Variants in LEKR1 observed in about 807,000 individuals in gnomAD.
LEKR1 encodes the protein protein LEKR1.
A neutral mutation model predicts 72.4 loss-of-function variants in LEKR1; 59 were observed. That is an observed-to-expected ratio of 0.82 (90% CI 0.66 to 1.01). The LOEUF (loss-of-function observed/expected upper bound fraction) is 1.01. Among genes scored for constraint, LEKR1 ranks in the 50% least tolerant of loss-of-function variants. The pLI is 0.00. For synonymous variants in LEKR1, 257 were observed against 263.2 expected, an observed-to-expected ratio of 0.98 and a Z score of 0.23; for missense variants, 728 against 759.2, an observed-to-expected ratio of 0.96 and a Z score of 0.48.
intron 9 of LEKR1, among the ~76,000 whole-genome samples, chr3:157,006,524 A>T (rs886745821): frequency 6.6e-6 from 1 of 152,194 alleles, no homozygotes; most frequent in Non-Finnish European, 1.5e-5. Flanking sequence ...GACAAATGAA[A>T]CCATATATCA....
chr3:156,875,990 C>T (rs1167931366), intron 3 of LEKR1, among the ~76,000 whole-genome samples: 1 of 59,540 alleles, frequency 1.7e-5, no homozygotes, highest in African/African-American at 6.3e-5. Flanking sequence ...GAGACTCCAT[C>T]TCAAAAAAAA....
intron 6 of LEKR1, among the ~76,000 whole-genome samples, chr3:156,970,038 T>C (rs1199780711): frequency 3.3e-5 from 5 of 152,182 alleles, no homozygotes; most frequent in African/African-American, 4.8e-5. Context: ...ATTATCTCAA[T>C]AGATGCAGAA....
intron 6 of LEKR1, among the ~76,000 whole-genome samples, chr3:156,968,201 G>A (rs561665315): frequency 2.2e-4 from 33 of 152,280 alleles, no homozygotes; most frequent in African/African-American, 7.9e-4. Flanking sequence ...TCGAGGCTAG[G>A]AAGAAACTGC....
chr3:156,979,397 G>C, intron 7 of LEKR1, 122 bp downstream of exon 7: 1 of 415,798 alleles, frequency 2.4e-6, no homozygotes, highest in South Asian at 2.0e-5. Flanking sequence ...TGATTCTTTT[G>C]GCAGTGATTT....
intron 9 of LEKR1, among the ~76,000 whole-genome samples, chr3:157,008,474 T>A (rs4574238): frequency 0.74 from 111,824 of 152,094 alleles, 41,574 homozygotes; most frequent in East Asian, 0.93. Context: ...TACAGTGAAC[T>A]TCTGTGTATC....
chr3:156,993,202 CA>C lies in LEKR1; in HGVS notation c.1035del (p.Glu346LysfsTer6). 6.2e-7 allele frequency: 1 copy of C among 1,612,238 alleles called. No homozygotes were observed. The highest frequency in any genetic ancestry group is 8.5e-7 in the Non-Finnish European group (1 of 1,178,942). On this transcript the variant is annotated frameshift_variant, in exon 9 of 13. Transcript: ENST00000356539. LOFTEE classifies it high-confidence loss of function. The stretch of plus-strand genomic sequence containing the variant: ...GACATAAAGAGAAGAATTAACCTTG[CA>C]GAAAATGAACTGGAGATAACCAAAA... Reference protein sequence around the residue: ...EEDIKRRINLAENELEITKTL... With the variant: ...EEDIKRRINLXENELEITKTL...
chr3:156,894,222 G>A (rs986706180), intron 3 of LEKR1, among the ~76,000 whole-genome samples: 1 of 152,130 alleles, frequency 6.6e-6, no homozygotes, highest in Non-Finnish European at 1.5e-5. Flanking sequence ...TGGGGTACCT[G>A]TTATCCATTT....
chr3:157,027,075 A>T (rs1734236572), intron 11 of LEKR1, among the ~76,000 whole-genome samples: 1 of 152,206 alleles, frequency 6.6e-6, no homozygotes, highest in Non-Finnish European at 1.5e-5. Flanking sequence ...ATTTAAATTC[A>T]GTTCCTTGGT....
chr3:156,977,373 G>GA (rs971891827), intron 6 of LEKR1, among the ~76,000 whole-genome samples: 2 of 151,778 alleles, frequency 1.3e-5, no homozygotes, highest in Non-Finnish European at 2.9e-5. Context: ...TATAGCATAG[G>GA]AAAAAAAATT....
intron 9 of LEKR1, among the ~76,000 whole-genome samples, chr3:157,009,640 A>G (rs955715104): frequency 1.3e-5 from 2 of 152,090 alleles, no homozygotes; most frequent in Non-Finnish European, 2.9e-5. Context: ...TTACACAACT[A>G]TAACAAAGAC....
At chr3:157,001,251 C>T (rs1202659729) in intron 9 of LEKR1, among the ~76,000 whole-genome samples, 1 of 152,174 alleles carries the variant, frequency 6.6e-6, no homozygotes, top group African/African-American at 2.4e-5. Context: ...CTCCAAGACT[C>T]ACCTCTTTCT....
chr3:156,842,846 TCA>T (rs1714107120), intron 2 of LEKR1, among the ~76,000 whole-genome samples: 1 of 152,222 alleles, frequency 6.6e-6, no homozygotes, highest in South Asian at 2.1e-4. Context: ...TCCTTTTTTA[TCA>T]CAGTTTCTGA....
chr3:156,964,260 G>A (rs4234316), intron 6 of LEKR1, among the ~76,000 whole-genome samples: 1 of 151,976 alleles, frequency 6.6e-6, no homozygotes, highest in Admixed American at 6.6e-5. Flanking sequence ...TTTATTATCC[G>A]TACCCTTCCC....
At chr3:156,911,829 T>A (rs1397580563) in intron 3 of LEKR1, among the ~76,000 whole-genome samples, 1 of 152,126 alleles carries the variant, frequency 6.6e-6, no homozygotes, top group Non-Finnish European at 1.5e-5. Context: ...GAGGCTTTTT[T>A]TCTGGGTTCT....
At chr3:156,833,054 A>G (rs62273908) in intron 2 of LEKR1, among the ~76,000 whole-genome samples, 4,756 of 152,374 alleles carry the variant, frequency 0.031, 110 homozygotes, top group Non-Finnish European at 0.047. Flanking sequence ...AGATAGAAAT[A>G]TGCTTCATTC....
At chr3:156,892,588 G>A (rs1436486298) in intron 3 of LEKR1, among the ~76,000 whole-genome samples, 1 of 152,096 alleles carries the variant, frequency 6.6e-6, no homozygotes, top group Non-Finnish European at 1.5e-5. Context: ...CTTCTTTTAA[G>A]CTACTGTGCT....
intron 6 of LEKR1, among the ~76,000 whole-genome samples, chr3:156,961,517 C>T (rs1171459338): frequency 6.6e-6 from 1 of 152,172 alleles, no homozygotes; most frequent in Non-Finnish European, 1.5e-5. Context: ...ACAAATAGAA[C>T]CATACAATAT....
intron 3 of LEKR1, among the ~76,000 whole-genome samples, chr3:156,915,419 AT>A (rs146567181): frequency 1.1e-4 from 16 of 147,222 alleles, no homozygotes; most frequent in African/African-American, 2.0e-4. Flanking sequence ...AGCATCTGTT[AT>A]TTTTTTTTTG....
At chr3:157,011,586 G>T (rs987697542) in intron 10 of LEKR1, 80 bp downstream of exon 10, 6 of 952,658 alleles carry the variant, frequency 6.3e-6, no homozygotes, top group African/African-American at 1.6e-5. Context: ...AGACTCTTCC[G>T]GATAGATTTA....
Sources: allele counts gnomAD v4.1 joint callset (sites outside exome capture counted in the v4.1 genomes callset), GRCh38; gene constraint gnomAD v4.1.1; transcripts MANE v1.5; gene names NCBI Gene and HGNC (gene_info 2026-07-23, HGNC 2026-07-21).